The following SAMD12 variants were observed in gnomAD, a reference collection of about 807,000 sequenced individuals.
SAMD12 encodes sterile alpha motif domain containing 12.
SAMD12 carries 9 observed loss-of-function variants against 15.0 expected under a neutral mutation model. The ratio of observed to expected loss-of-function variants is 0.60; its 90% CI spans 0.36 to 1.05. The LOEUF (loss-of-function observed/expected upper bound fraction) is 1.05. Among genes scored for constraint, SAMD12 ranks in the 50% least tolerant of loss-of-function variants. The pLI, the probability that SAMD12 is intolerant of heterozygous loss-of-function variation, is 0.01. For synonymous variants in SAMD12, 86 were observed against 90.1 expected, an observed-to-expected ratio of 0.96 and a Z score of 0.25; for missense variants, 230 against 234.2, an observed-to-expected ratio of 0.98 and a Z score of 0.12.
In SAMD12 at chr8:118,284,759, G is replaced by A. The variant is rs576488739; in HGVS notation, c.434-87027C>T. 74 of 160,780 alleles carry A rather than the reference G, an allele frequency of 4.6e-4. 2 individuals are homozygous for A. In the South Asian group the frequency reaches 4.7e-3, roughly 10 times the overall value. 10.0% of individuals were successfully genotyped at this position (160,780 alleles called of 1,614,324 possible). On this transcript the variant is annotated intron_variant, in intron 4 of 4. Coordinates refer to the SAMD12 transcript ENST00000409003. Reference sequence around the variant, plus strand: ...AGATCGAGACCATCCTGGCTAACACGGTGAAACCCTGTCTCTACTAAAAAT... The same window carrying A: ...AGATCGAGACCATCCTGGCTAACACAGTGAAACCCTGTCTCTACTAAAAAT...
At chr8:118,426,907 C>T (rs1476397175) in intron 3 of SAMD12, among the ~76,000 whole-genome samples, 3 of 152,116 alleles carry the variant, frequency 2.0e-5, no homozygotes, top group Non-Finnish European at 4.4e-5. Context: ...GGTGGCAACT[C>T]TATGTCATTT....
chr8:118,177,534 G>A, the SAMD12 span, among the ~76,000 whole-genome samples: 1 of 152,078 alleles, frequency 6.6e-6, no homozygotes, highest in Non-Finnish European at 1.5e-5. Flanking sequence ...GTGAGCCCCT[G>A]TGCCCAGCCA....
chr8:118,365,011 G>T (rs1367701606), intron 4 of SAMD12, among the ~76,000 whole-genome samples: 1 of 152,152 alleles, frequency 6.6e-6, no homozygotes, highest in Non-Finnish European at 1.5e-5. Context: ...ATAGAAATCT[G>T]ATTAGGACAG....
intron 4 of SAMD12, among the ~76,000 whole-genome samples, chr8:118,321,309 TGGTTTTTTTTTA>T (rs1816270216): frequency 9.8e-5 from 5 of 50,838 alleles, no homozygotes; most frequent in African/African-American, 6.3e-4. Flanking sequence ...TTTTTTTTTT[TGGTTTTTTTTTA>T]AAGAAAAGTA....
chr8:118,444,389 T>C (rs1822846207), intron 2 of SAMD12, among the ~76,000 whole-genome samples: 1 of 152,166 alleles, frequency 6.6e-6, no homozygotes, highest in African/African-American at 2.4e-5. Flanking sequence ...ATTCCAGACA[T>C]TTCCTTTCTG....
intron 4 of SAMD12, among the ~76,000 whole-genome samples, chr8:118,366,105 G>T (rs1818754498): frequency 6.6e-6 from 1 of 152,094 alleles, no homozygotes; most frequent in South Asian, 2.1e-4. Context: ...CAAATACACG[G>T]TTTTATAGTA....
At position 118,531,384 on chromosome 8, in the gene SAMD12, T is replaced by C. The variant is rs573770352; in HGVS notation, c.192+49331A>G. 3.9e-5 allele frequency among the ~76,000 whole-genome samples: 6 copies of C among 152,362 alleles called. No individual in the cohort carries two copies. The East Asian group carries it at 1.2e-3, about 29-fold the overall frequency. On this transcript the variant is annotated intron_variant, in intron 2 of 3. Transcript: ENST00000314727. ...GCGTGATGCCTCCAGCTTTGTTCTTTTTGCTTAGAATGGTCTTGGCAGTGT... is the reference window on the plus strand; with the variant it reads ...GCGTGATGCCTCCAGCTTTGTTCTTCTTGCTTAGAATGGTCTTGGCAGTGT...
At chr8:118,375,783 C>T (rs1351495606), downstream of SAMD12, 1 of 152,162 alleles carries the variant, frequency 6.6e-6, no homozygotes, top group Non-Finnish European at 1.5e-5. Context: ...GGCACACACC[C>T]TCTCTCCATC....
rs181565169 is a variant in SAMD12 at position 118,222,498 on chromosome 8, A to T, written c.434-24766T>A. ...ATCTAAAATTTAAAAATGTGTGAGG[A>T]AGTGCTTTTTATTTTTATCTTTTTG... On this transcript the variant is annotated intron_variant, in intron 4 of 4. Coordinates refer to the SAMD12 transcript ENST00000409003. Among the ~76,000 whole-genome samples the T allele has an allele frequency of 1.5e-4, 23 of 152,158 alleles. No individual in the cohort carries two copies. The East Asian group carries it at 3.1e-3, about 20-fold the overall frequency.
At chr8:118,250,272 C>G (rs774441158) in intron 4 of SAMD12, among the ~76,000 whole-genome samples, 1 of 152,026 alleles carries the variant, frequency 6.6e-6, no homozygotes, top group Non-Finnish European at 1.5e-5. Context: ...AGCTTACCAG[C>G]CTTAGGCAAG....
At chr8:118,449,369 A>G (rs528536212) in intron 2 of SAMD12, among the ~76,000 whole-genome samples, 1 of 151,436 alleles carries the variant, frequency 6.6e-6, no homozygotes, top group East Asian at 2.0e-4. Flanking sequence ...CTACAGAGGC[A>G]GAGTCTTTGG....
At position 118,585,215 on chromosome 8, in the gene SAMD12, C is replaced by T. The variant is rs191491049; in HGVS notation, c.14-4322G>A. Among the ~76,000 whole-genome samples, 456 of 152,178 alleles carry T rather than the reference C, an allele frequency of 3.0e-3. 1 individual carries two copies. The highest frequency in any genetic ancestry group is 5.6e-3 in the Non-Finnish European group (382 of 68,020). On this transcript the variant is annotated intron_variant, in intron 1 of 3. Transcript: ENST00000314727. Reference sequence around the variant, plus strand: ...CAGACAAAAATGGACAACTATTGGACGATTCACTTATATGAGTTAATCAAA... The same window carrying T: ...CAGACAAAAATGGACAACTATTGGATGATTCACTTATATGAGTTAATCAAA...
At chr8:118,226,196 G>A (rs188929632) in intron 4 of SAMD12, among the ~76,000 whole-genome samples, 12 of 152,222 alleles carry the variant, frequency 7.9e-5, no homozygotes. Context: ...AGGACACTGA[G>A]GAATGAGGAA....
At chr8:118,588,581 T>C (rs1370678656) in intron 1 of SAMD12, among the ~76,000 whole-genome samples, 3 of 152,228 alleles carry the variant, frequency 2.0e-5, no homozygotes, top group Admixed American at 2.0e-4. Flanking sequence ...TCATGTCTGC[T>C]TTTGTGCTAC....
intron 2 of SAMD12, among the ~76,000 whole-genome samples, chr8:118,527,222 T>G (rs1825558488): frequency 6.6e-6 from 1 of 152,190 alleles, no homozygotes; most frequent in South Asian, 2.1e-4. Flanking sequence ...CCCTCCAAAC[T>G]ACTCTCCTCA....
chr8:118,547,112 T>A (rs375639667), intron 2 of SAMD12, among the ~76,000 whole-genome samples: 3 of 152,182 alleles, frequency 2.0e-5, no homozygotes, highest in East Asian at 1.9e-4. Flanking sequence ...TGGCAAATAT[T>A]ACAGAATCTA....
chr8:118,556,647 A>G (rs1042832063), intron 2 of SAMD12, among the ~76,000 whole-genome samples: 5 of 152,236 alleles, frequency 3.3e-5, no homozygotes, highest in African/African-American at 1.2e-4. Context: ...TTTATCCTCA[A>G]GAAACTCACA....
At chr8:118,301,200 AG>A (rs1270301193) in intron 4 of SAMD12, among the ~76,000 whole-genome samples, 2 of 152,332 alleles carry the variant, frequency 1.3e-5, no homozygotes, top group African/African-American at 4.8e-5. Context: ...AAAGAGCAAA[AG>A]GTGGTGGGGT....
the SAMD12 span, among the ~76,000 whole-genome samples, chr8:118,166,127 TGTG>T: frequency 2.6e-5 from 4 of 152,206 alleles, no homozygotes; most frequent in African/African-American, 4.8e-5. Context: ...ATTTTTTTCT[TGTG>T]GTCTAGTTAC....
Sources: allele counts gnomAD v4.1 joint callset (sites outside exome capture counted in the v4.1 genomes callset), GRCh38; gene constraint gnomAD v4.1.1; transcripts MANE v1.5; gene names NCBI Gene and HGNC (gene_info 2026-07-23, HGNC 2026-07-21).